SHANK2: variants seen among roughly 807,000 people sequenced by gnomAD.
SHANK2 encodes SH3 and multiple ankyrin repeat domains 2.
SHANK2 carries 43 observed loss-of-function variants against 133.7 expected under a neutral mutation model. The observed-to-expected ratio is 0.32, with a 90% CI of 0.25 to 0.41. The LOEUF (loss-of-function observed/expected upper bound fraction) is 0.41. SHANK2 is among the 10% of genes least tolerant of loss of function. The pLI is 1.00. For missense variants in SHANK2, 1,994 were observed against 2,235.8 expected (o/e 0.89, Z 2.18); for synonymous variants, 1,017 against 952.8 (o/e 1.07, Z -1.24).
intron 17 of SHANK2, among the ~76,000 whole-genome samples, chr11:70,586,625 C>T (rs558260810): frequency 6.8e-4 from 104 of 152,332 alleles, no homozygotes; most frequent in Non-Finnish European, 1.3e-3. Flanking sequence ...TCGCCAGCCT[C>T]TGGCACCGTT....
intron 17 of SHANK2, among the ~76,000 whole-genome samples, chr11:70,582,855 C>A (rs1174341835): frequency 3.3e-5 from 5 of 152,152 alleles, no homozygotes; most frequent in African/African-American, 1.2e-4. Flanking sequence ...GTCAGTCAGT[C>A]TGGGCTGGGG....
chr11:70,645,630 C>T (rs2061249580), intron 17 of SHANK2, among the ~76,000 whole-genome samples: 1 of 152,168 alleles, frequency 6.6e-6, no homozygotes, highest in African/African-American at 2.4e-5. Flanking sequence ...GAGAATGATG[C>T]ATATGTCACG....
chr11:70,491,057 C>A (rs2058880424), intron 22 of SHANK2, among the ~76,000 whole-genome samples: 1 of 152,254 alleles, frequency 6.6e-6, no homozygotes, highest in Non-Finnish European at 1.5e-5. Flanking sequence ...CTCCCCTCCA[C>A]CTTGGAAGCA....
chr11:70,501,134 G>C (rs531745930), intron 20 of SHANK2, among the ~76,000 whole-genome samples: 1 of 152,214 alleles, frequency 6.6e-6, no homozygotes, highest in Non-Finnish European at 1.5e-5. Flanking sequence ...GGCACGCGGG[G>C]CACTACTGGT....
At chr11:70,944,591 A>G (rs1590859832) in intron 10 of SHANK2, among the ~76,000 whole-genome samples, 1 of 152,214 alleles carries the variant, frequency 6.6e-6, no homozygotes, top group African/African-American at 2.4e-5. Context: ...TCTATGCGCA[A>G]CTTGATTTTT....
At position 70,909,915 on chromosome 11, in the gene SHANK2, G is replaced by A. The variant is rs538622257; in HGVS notation, c.1108-13348C>T. Among the ~76,000 whole-genome samples, 42 of 152,316 alleles carry A rather than the reference G, an allele frequency of 2.8e-4. No homozygotes were observed. The South Asian group carries it at 8.7e-3, about 32-fold the overall frequency. ...AAGCACCACAGACCGGGCTGCTTAA[G>A]CCACAGACACTTATCATTTCACTGT... On this transcript the variant is annotated intron_variant, in intron 10 of 25. Coordinates refer to ENST00000601538, the MANE Select transcript of SHANK2 (RefSeq NM_012309.5).
chr11:70,943,910 C>T (rs1555084837), intron 10 of SHANK2: 2 of 456,378 alleles, frequency 4.4e-6, no homozygotes, highest in East Asian at 7.0e-5. Flanking sequence ...ATCTGATCAT[C>T]CGTCTTGATT....
intron 10 of SHANK2, among the ~76,000 whole-genome samples, chr11:70,902,450 C>T (rs1421033734): frequency 6.6e-6 from 1 of 152,260 alleles, no homozygotes; most frequent in African/African-American, 2.4e-5. Flanking sequence ...CGCCTCCCCA[C>T]CTGTCTCCCT....
At chr11:71,069,493 T>C (rs1485316912) in intron 9 of SHANK2, among the ~76,000 whole-genome samples, 1 of 152,148 alleles carries the variant, frequency 6.6e-6, no homozygotes, top group African/African-American at 2.4e-5. Flanking sequence ...AACAGTATCA[T>C]CACCACCTTC....
chr11:71,130,557 T>C (rs541365329), intron 3 of SHANK2, among the ~76,000 whole-genome samples: 1 of 152,290 alleles, frequency 6.6e-6, no homozygotes, highest in African/African-American at 2.4e-5. Context: ...TTATACCATA[T>C]AAAATAGGTC....
At chr11:70,699,961 C>T (rs781991628) in intron 14 of SHANK2, among the ~76,000 whole-genome samples, 12 of 152,196 alleles carry the variant, frequency 7.9e-5, no homozygotes, top group African/African-American at 2.2e-4. Context: ...TGTGCTCTCC[C>T]GACTCTGTCT....
At chr11:70,630,245 G>A (rs1024353496) in intron 17 of SHANK2, among the ~76,000 whole-genome samples, 2 of 152,224 alleles carry the variant, frequency 1.3e-5, no homozygotes, top group African/African-American at 2.4e-5. Context: ...GAGGCCAGAC[G>A]GCAGGCAGCA....
At chr11:70,782,851 G>A (rs1193401749) in intron 14 of SHANK2, among the ~76,000 whole-genome samples, 1 of 152,162 alleles carries the variant, frequency 6.6e-6, no homozygotes, top group Non-Finnish European at 1.5e-5. Flanking sequence ...CAGCACGTCC[G>A]CAGCGGAAGG....
intron 17 of SHANK2, among the ~76,000 whole-genome samples, chr11:70,512,414 A>T (rs917300953): frequency 6.6e-6 from 1 of 152,234 alleles, no homozygotes; most frequent in Non-Finnish European, 1.5e-5. Context: ...ATCACCATTC[A>T]GGATTTACAT....
At chr11:70,775,941 G>C (rs1947356507) in intron 14 of SHANK2, among the ~76,000 whole-genome samples, 1 of 152,222 alleles carries the variant, frequency 6.6e-6, no homozygotes, top group Admixed American at 6.5e-5. Context: ...CCATATGACA[G>C]CTTTCATTTC....
At chr11:70,670,922 T>C (rs1174631535) in intron 15 of SHANK2, among the ~76,000 whole-genome samples, 1 of 152,172 alleles carries the variant, frequency 6.6e-6, no homozygotes, top group East Asian at 1.9e-4. Context: ...GGTTCTGTAC[T>C]CATGCAGCCC....
At chr11:71,124,934 A>G (rs1164557824) in intron 3 of SHANK2, among the ~76,000 whole-genome samples, 1 of 152,236 alleles carries the variant, frequency 6.6e-6, no homozygotes, top group Non-Finnish European at 1.5e-5. Context: ...TAATTCTTGT[A>G]CTGTCAAATT....
chr11:70,502,744 C>T (rs567885232), intron 18 of SHANK2, 52 bp downstream of exon 18: 2 of 791,148 alleles, frequency 2.5e-6, no homozygotes, highest in African/African-American at 4.2e-5. Context: ...CGCCCCCACC[C>T]CCCCCCCCCA....
At chr11:71,148,897 G>GT (rs543835266) in intron 2 of SHANK2, among the ~76,000 whole-genome samples, 9 of 152,096 alleles carry the variant, frequency 5.9e-5, no homozygotes, top group Non-Finnish European at 1.3e-4. Flanking sequence ...TTCACCGTGC[G>GT]TAACGGCACA....
Sources: gnomAD v4.1 joint callset for allele counts (sites outside exome capture counted in the v4.1 genomes callset) on GRCh38, gnomAD v4.1.1 for gene constraint, MANE v1.5 for transcripts, NCBI Gene and HGNC (gene_info 2026-07-23, HGNC 2026-07-21) for gene names.